Variants in MTA3 observed in about 807,000 individuals in gnomAD.
MTA3 encodes the protein metastasis associated 1 family member 3.
In MTA3, 34 loss-of-function variants were observed where a neutral mutation model predicts 83.5. That is an observed-to-expected ratio of 0.41 (90% confidence interval 0.31 to 0.54). The LOEUF is 0.54. Ranked by LOEUF, MTA3 falls within the 20% of genes least tolerant of loss-of-function variation. The pLI is 0.33. For synonymous variants in MTA3, 303 were observed against 252.7 expected, an observed-to-expected ratio of 1.20 and a Z score of -1.89; for missense variants, 761 against 726.4, an observed-to-expected ratio of 1.05 and a Z score of -0.55.
rs569358706 is a variant in MTA3 at position 42,570,337 on chromosome 2, C to T, written c.29-100C>T. On this transcript the variant is annotated intron_variant, in intron 1 of 16. Transcript: ENST00000405094. ...CTTTTACCAGTGAATGAATTATGAG[C>T]TTAATTTCAAACGTGAAATGCCTAA... 6.2e-6 allele frequency: 4 copies of T among 641,132 alleles called. No individual in the cohort carries two copies. The East Asian group carries it at 1.1e-4, about 18-fold the overall frequency. The allele number at this position is 641,132 out of a possible 1,614,324, so 39.7% of individuals were successfully genotyped here.
Position 42,723,232 on chromosome 2 carries a change from C to G in MTA3, c.1759+197C>G, listed in dbSNP as rs541700137. On this transcript the variant is annotated intron_variant, in intron 16 of 16. Transcript: ENST00000405094. ...TAGTTCTCCATCCCATCAGGAGGTACTTATTTGCTCCCATCTCCTGTTAGG... is the reference window on the plus strand; with the variant it reads ...TAGTTCTCCATCCCATCAGGAGGTAGTTATTTGCTCCCATCTCCTGTTAGG... The G allele has an allele frequency of 2.1e-5, 13 of 620,452 alleles. No individual in the cohort carries two copies. The African/African-American group carries it at 2.2e-4, about 11-fold the overall frequency. The allele number at this position is 620,452 out of a possible 1,614,324, so 38.4% of individuals were successfully genotyped here. A position where few individuals can be genotyped will look rare whatever the true frequency, so the allele number is the denominator to read the frequency against.
intron 9 of MTA3, among the ~76,000 whole-genome samples, chr2:42,688,394 A>AT (rs1692579316): frequency 6.6e-6 from 1 of 152,142 alleles, no homozygotes; most frequent in African/African-American, 2.4e-5. Context: ...CATTATTGTC[A>AT]TTTTTTAAAA....
intron 2 of MTA3, among the ~76,000 whole-genome samples, chr2:42,546,360 A>G (rs531419709): frequency 3.3e-4 from 50 of 152,230 alleles, no homozygotes; most frequent in African/African-American, 1.1e-3. Context: ...TCTCGGTTCC[A>G]GAATTAGGAT....
intron 16 of MTA3, among the ~76,000 whole-genome samples, chr2:42,745,824 C>CTTTTTTTTTTTTCTTTTTTTTT (rs146921280): frequency 8.4e-6 from 1 of 119,372 alleles, no homozygotes; most frequent in Admixed American, 8.7e-5. Context: ...AAATAGTCCT[C>CTTTTTTTTTTTTCTTTTTTTTT]TTTTTTTTGA....
chr2:42,668,684 G>A (rs1038981445), intron 8 of MTA3, among the ~76,000 whole-genome samples: 3 of 151,996 alleles, frequency 2.0e-5, no homozygotes, highest in Admixed American at 6.6e-5. Context: ...TTGTCATGCC[G>A]TGTTTATTAT....
At chr2:42,549,449 AATATATTAT>A (rs1197779141) in intron 2 of MTA3, among the ~76,000 whole-genome samples, 2 of 42,580 alleles carry the variant, frequency 4.7e-5, no homozygotes, top group African/African-American at 1.2e-4. Context: ...GTATACATAT[AATATATTAT>A]ATATACATAT....
intron 2 of MTA3, among the ~76,000 whole-genome samples, chr2:42,531,115 C>A (rs13016823): frequency 0.34 from 51,475 of 151,998 alleles, 8,768 homozygotes; most frequent in South Asian, 0.4. Flanking sequence ...CATGTGTGAG[C>A]TACCATGCCC....
At chr2:42,528,408 T>C (rs746751006) in intron 2 of MTA3, among the ~76,000 whole-genome samples, 6 of 151,180 alleles carry the variant, frequency 4.0e-5, no homozygotes, top group Non-Finnish European at 8.8e-5. Flanking sequence ...TTAGTAGAGA[T>C]GGAGTTTCGT....
At chr2:42,733,127 AC>A (rs1432086459) in intron 16 of MTA3, among the ~76,000 whole-genome samples, 1 of 152,182 alleles carries the variant, frequency 6.6e-6, no homozygotes, top group African/African-American at 2.4e-5. Context: ...CTCTGCTGGT[AC>A]CAATGTACTG....
chr2:42,509,073 T>G (rs1264293798), intron 2 of MTA3, among the ~76,000 whole-genome samples: 3 of 151,856 alleles, frequency 2.0e-5, no homozygotes. Flanking sequence ...GACGGAGTCT[T>G]GCTCTGTCGC....
intron 6 of MTA3, among the ~76,000 whole-genome samples, chr2:42,655,529 G>T (rs1689086909): frequency 6.6e-6 from 1 of 152,090 alleles, no homozygotes; most frequent in Non-Finnish European, 1.5e-5. Context: ...CTGTTAATAT[G>T]TGTCTCTTAT....
intron 16 of MTA3, among the ~76,000 whole-genome samples, chr2:42,737,808 G>GT: frequency 6.6e-6 from 1 of 152,282 alleles, no homozygotes; most frequent in Non-Finnish European, 1.5e-5. Context: ...CAAATCTAGT[G>GT]TTTTTTCCAC....
chr2:42,627,962 G>A (rs1686281382), intron 4 of MTA3, among the ~76,000 whole-genome samples: 1 of 151,776 alleles, frequency 6.6e-6, no homozygotes, highest in African/African-American at 2.4e-5. Context: ...TTGGCTTACT[G>A]CAATCTCCGA....
chr2:42,747,601 A>T (rs1489790237), intron 16 of MTA3, among the ~76,000 whole-genome samples: 1 of 151,266 alleles, frequency 6.6e-6, no homozygotes, highest in African/African-American at 2.4e-5. Flanking sequence ...GCGCAATGGA[A>T]GTTCCTGGCT....
intron 6 of MTA3, among the ~76,000 whole-genome samples, chr2:42,647,341 G>C (rs1238111001): frequency 2.6e-5 from 4 of 151,356 alleles, no homozygotes; most frequent in Admixed American, 6.6e-5. Context: ...CCTGTGCCTC[G>C]ACCTCTCGAG....
In MTA3 at chr2:42,704,079, A is replaced by G. The variant is rs1665855991; in HGVS notation, c.1026-115A>G. 4 of 1,221,260 alleles carry G rather than the reference A, an allele frequency of 3.3e-6. No homozygotes were observed. In the Admixed American group the frequency reaches 8.0e-5, roughly 24 times the overall value. The allele number at this position is 1,221,260 out of a possible 1,614,324, so 75.7% of individuals were successfully genotyped here. Reference sequence around the variant, plus strand: ...TTACCAGTTTATTTCTTCTTCACACATTTTAAAATGTTTGTTTATGTTTAT... The same window carrying G: ...TTACCAGTTTATTTCTTCTTCACACGTTTTAAAATGTTTGTTTATGTTTAT... On this transcript the variant is annotated intron_variant, in intron 11 of 16. Coordinates refer to ENST00000405094, the MANE Select transcript of MTA3 (RefSeq NM_001330442.2).
intron 3 of MTA3, among the ~76,000 whole-genome samples, chr2:42,592,560 G>C (rs757018490): frequency 7.2e-5 from 11 of 152,166 alleles, no homozygotes; most frequent in South Asian, 2.1e-4. Context: ...CACAAGCCTG[G>C]TGTACAGATG....
In MTA3 at chr2:42,518,968, A is replaced by AACACACAC. The variant is rs60877713; in HGVS notation, c.-141+23769_-141+23776dup. ...GTGACAGAGTGAGACCCTTTCTCAA[A>AACACACAC]ACACACACACACACACACACACACA... On this transcript the variant is annotated intron_variant, in intron 2 of 17. Transcript: ENST00000405592. 1.8e-4 allele frequency among the ~76,000 whole-genome samples: 21 copies of AACACACAC among 114,680 alleles called. No homozygotes were observed. In the East Asian group the frequency reaches 2.0e-3, roughly 11 times the overall value. The allele number at this position is 114,680 out of a possible 152,430, so 75.2% of individuals were successfully genotyped here. A position where few individuals can be genotyped will look rare whatever the true frequency, so the allele number is the denominator to read the frequency against.
intron 4 of MTA3, chr2:42,613,736 C>T (rs1323554575): frequency 6.6e-6 from 1 of 152,172 alleles, no homozygotes; most frequent in East Asian, 1.9e-4. Context: ...CTATAATATT[C>T]ATGAGACGCT....
Sources: allele counts gnomAD v4.1 joint callset (sites outside exome capture counted in the v4.1 genomes callset), GRCh38; gene constraint gnomAD v4.1.1; transcripts MANE v1.5; gene names NCBI Gene and HGNC (gene_info 2026-07-23, HGNC 2026-07-21).